The following FTCDNL1 variants were observed in gnomAD, a reference collection of about 807,000 sequenced individuals.
The protein encoded by FTCDNL1 is formiminotransferase cyclodeaminase N-terminal like, also known as formiminotransferase N-terminal subdomain-containing protein.
In FTCDNL1, 11 loss-of-function variants were observed where a neutral mutation model predicts 5.9. That is an observed-to-expected ratio of 1.87 (90% CI 1.18 to 3.10). FTCDNL1 has a LOEUF of 3.10. Ranked by LOEUF, FTCDNL1 falls within the 30% of genes most tolerant of loss-of-function variation. The pLI, the probability that FTCDNL1 is intolerant of heterozygous loss-of-function variation, is 0.00. For synonymous variants in FTCDNL1, 58 were observed against 24.8 expected (o/e 2.34, Z -3.99); for missense variants, 115 against 65.5 (o/e 1.76, Z -2.61).
chr2:199,790,472 G>A (rs1301728401), intron 3 of FTCDNL1, among the ~76,000 whole-genome samples: 3 of 150,724 alleles, frequency 2.0e-5, no homozygotes, highest in Non-Finnish European at 3.0e-5. Flanking sequence ...CACTCCAGCT[G>A]GGGTGACAGA....
At chr2:199,690,669 G>A in the FTCDNL1 span, among the ~76,000 whole-genome samples, 1 of 152,100 alleles carries the variant, frequency 6.6e-6, no homozygotes, top group Non-Finnish European at 1.5e-5. Context: ...TGACTTTTCT[G>A]TTTTTACTCC....
At chr2:199,755,759 T>C (rs764356150), downstream of FTCDNL1, among the ~76,000 whole-genome samples, 4 of 152,184 alleles carry the variant, frequency 2.6e-5, no homozygotes, top group Admixed American at 6.5e-5. Flanking sequence ...TTACTGAACT[T>C]TTCTGTGCCA....
At chr2:199,697,185 T>C in the FTCDNL1 span, among the ~76,000 whole-genome samples, 2 of 152,170 alleles carry the variant, frequency 1.3e-5, no homozygotes, top group Admixed American at 1.3e-4. Flanking sequence ...TACAGGAGAA[T>C]GGCGTGAACC....
intron 3 of FTCDNL1, among the ~76,000 whole-genome samples, chr2:199,841,323 T>C (rs2076581997): frequency 6.6e-6 from 1 of 150,968 alleles, no homozygotes; most frequent in Admixed American, 6.6e-5. Flanking sequence ...GGAGGCGGGG[T>C]TTGCAGTGAG....
intron 3 of FTCDNL1, 95 bp from the exon 4 acceptor site, chr2:199,819,852 T>G: frequency 1.6e-6 from 1 of 635,870 alleles, no homozygotes; most frequent in South Asian, 1.8e-5. Flanking sequence ...AAAACATATT[T>G]AACATAGAAC....
intron 3 of FTCDNL1, among the ~76,000 whole-genome samples, chr2:199,786,719 T>C (rs778378857): frequency 1.3e-5 from 2 of 152,264 alleles, no homozygotes; most frequent in Non-Finnish European, 2.9e-5. Context: ...AAATTGCTGT[T>C]AGCCGGCGAT....
chr2:199,749,707 C>T, the FTCDNL1 span, among the ~76,000 whole-genome samples: 1 of 152,192 alleles, frequency 6.6e-6, no homozygotes, highest in African/African-American at 2.4e-5. Flanking sequence ...ACTCACTTTA[C>T]AGATGAGAGA....
intron 3 of FTCDNL1, among the ~76,000 whole-genome samples, chr2:199,841,204 T>C (rs1157829997): frequency 6.7e-6 from 1 of 150,034 alleles, no homozygotes; most frequent in African/African-American, 2.5e-5. Context: ...TGTAGCCTAA[T>C]AGATCAATTG....
chr2:199,807,580 T>C (rs2106432285), downstream of FTCDNL1, among the ~76,000 whole-genome samples: 1 of 152,262 alleles, frequency 6.6e-6, no homozygotes, highest in Non-Finnish European at 1.5e-5. Context: ...GAGGTTGAAG[T>C]GAGCCAAGAT....
At chr2:199,834,357 GTTACTACAGCC>G (rs1349360452) in intron 3 of FTCDNL1, among the ~76,000 whole-genome samples, 1 of 152,134 alleles carries the variant, frequency 6.6e-6, no homozygotes, top group Admixed American at 6.5e-5. Context: ...GTGGTACTTT[GTTACTACAGCC>G]CTAGTAAACT....
the FTCDNL1 span, among the ~76,000 whole-genome samples, chr2:199,691,530 C>A: frequency 6.6e-6 from 1 of 152,304 alleles, no homozygotes; most frequent in East Asian, 1.9e-4. Flanking sequence ...AATGAAAAAT[C>A]ACTTCTAACC....
the FTCDNL1 span, among the ~76,000 whole-genome samples, chr2:199,733,463 G>A: frequency 6.6e-6 from 1 of 152,176 alleles, no homozygotes; most frequent in Non-Finnish European, 1.5e-5. Flanking sequence ...AGGTAAGGGA[G>A]CTGGCAGAAT....
chr2:199,773,274 A>G (rs1282639866), intron 3 of FTCDNL1, among the ~76,000 whole-genome samples: 1 of 152,162 alleles, frequency 6.6e-6, no homozygotes, highest in African/African-American at 2.4e-5. Flanking sequence ...GTATATGCAT[A>G]TACACAAACA....
the FTCDNL1 span, among the ~76,000 whole-genome samples, chr2:199,681,720 C>G: frequency 7.9e-5 from 12 of 152,278 alleles, no homozygotes; most frequent in South Asian, 2.1e-4. Flanking sequence ...AGTCACAAGA[C>G]TCTTAGTGAT....
intron 3 of FTCDNL1, among the ~76,000 whole-genome samples, chr2:199,843,723 C>T (rs963214876): frequency 2.0e-5 from 3 of 152,162 alleles, no homozygotes; most frequent in Non-Finnish European, 2.9e-5. Context: ...TATCCTAAGG[C>T]GGCTTTTTTT....
At chr2:199,672,107 G>T in the FTCDNL1 span, among the ~76,000 whole-genome samples, 1 of 152,060 alleles carries the variant, frequency 6.6e-6, no homozygotes, top group Non-Finnish European at 1.5e-5. Context: ...TTGTACTGGG[G>T]ATACCAGTGT....
At chr2:199,774,534 T>C (rs954451481) in intron 3 of FTCDNL1, among the ~76,000 whole-genome samples, 3 of 152,108 alleles carry the variant, frequency 2.0e-5, no homozygotes, top group Admixed American at 1.3e-4. Context: ...CAGTTTTTAA[T>C]GGTGGGGGCT....
At chr2:199,756,501 A>C (rs1698077378), downstream of FTCDNL1, among the ~76,000 whole-genome samples, 1 of 152,192 alleles carries the variant, frequency 6.6e-6, no homozygotes, top group Non-Finnish European at 1.5e-5. Flanking sequence ...AAGAGCTCAA[A>C]GATCCCTATA....
chr2:199,835,965 G>C (rs1483486875), intron 3 of FTCDNL1, among the ~76,000 whole-genome samples: 1 of 152,154 alleles, frequency 6.6e-6, no homozygotes, highest in East Asian at 1.9e-4. Flanking sequence ...AGTGTCTTAA[G>C]AGACCTTTTA....
Sources: gnomAD v4.1 joint callset for allele counts (sites outside exome capture counted in the v4.1 genomes callset) on GRCh38, gnomAD v4.1.1 for gene constraint, MANE v1.5 for transcripts, NCBI Gene and HGNC (gene_info 2026-07-23, HGNC 2026-07-21) for gene names.